Variants in SPATA6L observed in about 807,000 individuals in gnomAD.
SPATA6L encodes spermatogenesis associated 6 like, also known as spermatogenesis associated 6-like protein.
A neutral mutation model predicts 49.2 loss-of-function variants in SPATA6L; 68 were observed. The observed-to-expected ratio is 1.38, with a 90% CI of 1.14 to 1.69. The LOEUF is 1.69. SPATA6L is among the 40% of genes most tolerant of loss of function. The probability of loss-of-function intolerance (pLI) is 0.00; values close to 1 mark genes in which losing one functional copy is unlikely to be tolerated. For synonymous variants in SPATA6L, 198 were observed against 165.7 expected, an observed-to-expected ratio of 1.19 and a Z score of -1.50; for missense variants, 668 against 464.3, an observed-to-expected ratio of 1.44 and a Z score of -4.03.
At chr9:4,647,976 A>C (rs946518510) in intron 3 of SPATA6L, among the ~76,000 whole-genome samples, 8 of 152,100 alleles carry the variant, frequency 5.3e-5, no homozygotes, top group African/African-American at 1.9e-4. Context: ...CTGGGACTAC[A>C]GGCACGTACC....
At chr9:4,605,935 C>G (rs535234328) in intron 9 of SPATA6L, among the ~76,000 whole-genome samples, 1 of 152,082 alleles carries the variant, frequency 6.6e-6, no homozygotes, top group Admixed American at 6.5e-5. Context: ...AGACAGTGGG[C>G]GCAGGCCAGT....
At chr9:4,625,799 G>A (rs981155562) in intron 5 of SPATA6L, 2 of 304,472 alleles carry the variant, frequency 6.6e-6, no homozygotes, top group Non-Finnish European at 1.2e-5. Context: ...AATTAACAGT[G>A]AGATTTATTT....
chr9:4,601,818 G>A (rs1027151515), intron 11 of SPATA6L, among the ~76,000 whole-genome samples: 1 of 152,198 alleles, frequency 6.6e-6, no homozygotes, highest in Non-Finnish European at 1.5e-5. Context: ...CCACAGGAGT[G>A]GCTCTGGCTG....
At chr9:4,661,791 T>C in intron 2 of SPATA6L, 108 bp downstream of exon 2, 3 of 1,426,988 alleles carry the variant, frequency 2.1e-6, no homozygotes, top group Non-Finnish European at 9.4e-7. Flanking sequence ...TTTCGGATAA[T>C]TTTTTTAAAA....
In SPATA6L at chr9:4,620,176, T is replaced by C. The variant is rs145925610; in HGVS notation, c.773-1278A>G. 6.8e-4 allele frequency among the ~76,000 whole-genome samples: 104 copies of C among 152,320 alleles called. 1 individual carries two copies. In the East Asian group the frequency reaches 0.017, roughly 25 times the overall value. Reference sequence around the variant, plus strand: ...AGCAATGCTAAGGCCCTTTCAGCTATAGCCACAAACCTGCCCTGTGGCCTC... The same window carrying C: ...AGCAATGCTAAGGCCCTTTCAGCTACAGCCACAAACCTGCCCTGTGGCCTC... On this transcript the variant is annotated intron_variant, in intron 7 of 11. Coordinates refer to ENST00000682582, the MANE Select transcript of SPATA6L (RefSeq NM_001353486.2).
At chr9:4,655,132 G>A (rs897247067) in intron 3 of SPATA6L, among the ~76,000 whole-genome samples, 1 of 152,096 alleles carries the variant, frequency 6.6e-6, no homozygotes, top group Non-Finnish European at 1.5e-5. Flanking sequence ...GCCTAAAAGT[G>A]GAAACAACCC....
chr9:4,650,468 A>G (rs894286412), intron 3 of SPATA6L, among the ~76,000 whole-genome samples: 1 of 152,230 alleles, frequency 6.6e-6, no homozygotes, highest in East Asian at 1.9e-4. Flanking sequence ...ATAAAGATTA[A>G]GCAGAAAGTA....
At position 4,606,525 on chromosome 9, in the gene SPATA6L, C is replaced by A. The variant is rs574202105; in HGVS notation, c.996-1085G>T. Among the ~76,000 whole-genome samples, 4 of 38,460 alleles carry A rather than the reference C, an allele frequency of 1.0e-4. 1 individual carries two copies. Among genetic ancestry groups the A allele is most frequent in the African/African-American group, 1.8e-4 (2 of 11,226 alleles). 25.2% of individuals were successfully genotyped at this position (38,460 alleles called of 152,430 possible). A position where few individuals can be genotyped will look rare whatever the true frequency, so the allele number is the denominator to read the frequency against. On this transcript the variant is annotated intron_variant, in intron 9 of 11. Transcript: ENST00000682582. ...GAGCAGCCTAACTGGGAGGCACCCC[C>A]CAGCAGGGGCACACTGACACCTCAC...
chr9:4,663,795 G>A (rs1434704739), intron 1 of SPATA6L: 2 of 166,932 alleles, frequency 1.2e-5, no homozygotes, highest in Admixed American at 1.3e-4. Flanking sequence ...TGCCACAGTT[G>A]GGAGATTTCT....
At chr9:4,646,334 A>G in intron 3 of SPATA6L, 1 of 425,888 alleles carries the variant, frequency 2.3e-6, no homozygotes, top group Non-Finnish European at 4.1e-6. Flanking sequence ...ATAGATTGGC[A>G]GAAAAAAGGC....
chr9:4,653,305 T>C (rs540216449), intron 3 of SPATA6L, among the ~76,000 whole-genome samples: 50 of 152,286 alleles, frequency 3.3e-4, no homozygotes, highest in African/African-American at 1.1e-3. Flanking sequence ...TGGATATCCA[T>C]ATGCAAAAGA....
chr9:4,607,708 C>T (rs1475046867), intron 9 of SPATA6L, among the ~76,000 whole-genome samples: 3 of 152,174 alleles, frequency 2.0e-5, no homozygotes, highest in Admixed American at 6.5e-5. Flanking sequence ...ATGTAAAGAC[C>T]GTCGAGACTA....
chr9:4,662,397 A>T lies in SPATA6L; in HGVS notation c.40-361T>A, dbSNP rs1331154300. 2 of 1,534,772 alleles carry T rather than the reference A, an allele frequency of 1.3e-6. No individual in the cohort carries two copies. Among genetic ancestry groups the T allele is most frequent in the South Asian group, 2.4e-5 (2 of 83,538 alleles). On this transcript the variant is annotated intron_variant, in intron 1 of 11. Coordinates refer to ENST00000682582, the MANE Select transcript of SPATA6L (RefSeq NM_001353486.2). The surrounding 1 kb of genome is among the most constrained non-coding windows in gnomAD (Gnocchi z 4.9). ...TGCGATGCCAAGTCCCCGGAGGAGC[A>T]TGGAGGGACGGCCGCTGGGCGTCTC... is the stretch of plus-strand genomic sequence containing the variant.
chr9:4,611,427 A>C (rs1646107317), intron 9 of SPATA6L, among the ~76,000 whole-genome samples: 1 of 149,608 alleles, frequency 6.7e-6, no homozygotes, highest in Non-Finnish European at 1.5e-5. Flanking sequence ...GACTGGATTA[A>C]GAAAATGTGG....
At chr9:4,646,528 C>T (rs1316780202) in intron 3 of SPATA6L, 1 of 1,492,110 alleles carries the variant, frequency 6.7e-7, no homozygotes, top group African/African-American at 1.4e-5. Context: ...GGCTAGGAAG[C>T]CTAAAAAGGA....
chr9:4,625,201 A>T, intron 6 of SPATA6L, 126 bp downstream of exon 6: 1 of 1,421,428 alleles, frequency 7.0e-7, no homozygotes. Flanking sequence ...CACAATTATT[A>T]TTCAATTTGA....
In SPATA6L at chr9:4,656,070, T is replaced by A. The variant is rs1838100772; in HGVS notation, c.197A>T (p.Asp66Val). ...RFEKVFESAV[D>V]PGAVVDLLEM... ...CAAAAGGTCTACTACAGCTCCAGGA[T>A]CTACTGCACTTTCAAATACCTGCAG... The change falls in exon 3 of 12, where the codon GAT becomes GTT. Residue 66 changes from aspartate (D) to valine (V), a missense_variant. Physicochemically the swap from Asp to Val is radical, Grantham distance 152 (BLOSUM62 -3). Coordinates refer to ENST00000682582, the MANE Select transcript of SPATA6L (RefSeq NM_001353486.2). The A allele has an allele frequency of 6.2e-7, 1 of 1,612,936 alleles. No individual in the cohort carries two copies. Among genetic ancestry groups the A allele is most frequent in the Admixed American group, 1.7e-5 (1 of 59,866 alleles).
intron 3 of SPATA6L, among the ~76,000 whole-genome samples, chr9:4,644,851 C>T (rs1328682858): frequency 6.6e-6 from 1 of 152,196 alleles, no homozygotes; most frequent in Admixed American, 6.5e-5. Context: ...TCAAGACACA[C>T]TGCATAGCAA....
At chr9:4,638,742 T>C (rs551274967) in intron 3 of SPATA6L, among the ~76,000 whole-genome samples, 1 of 152,224 alleles carries the variant, frequency 6.6e-6, no homozygotes, top group East Asian at 1.9e-4. Flanking sequence ...AACTTTCTCC[T>C]GAAGCTTATA....
Sources: gnomAD v4.1 joint callset for allele counts (sites outside exome capture counted in the v4.1 genomes callset) on GRCh38, gnomAD v4.1.1 for gene constraint, Gnocchi (gnomAD v3.1) non-coding constraint, MANE v1.5 for transcripts, NCBI Gene and HGNC (gene_info 2026-07-23, HGNC 2026-07-21) for gene names.